TMEM117: variants seen among roughly 807,000 people sequenced by gnomAD.
TMEM117 encodes the protein transmembrane protein 117.
TMEM117 carries 27 observed loss-of-function variants against 52.4 expected under a neutral mutation model. The observed-to-expected ratio is 0.51, with a 90% CI of 0.38 to 0.71. The LOEUF (loss-of-function observed/expected upper bound fraction) is 0.71. TMEM117 is among the 30% of genes least tolerant of loss of function. TMEM117 has a pLI of 0.00. For synonymous variants in TMEM117, 215 were observed against 206.3 expected, an observed-to-expected ratio of 1.04 and a Z score of -0.36; for missense variants, 556 against 630.5, an observed-to-expected ratio of 0.88 and a Z score of 1.26.
At chr12:43,858,294 T>C (rs936028354) in intron 2 of TMEM117, among the ~76,000 whole-genome samples, 1 of 152,188 alleles carries the variant, frequency 6.6e-6, no homozygotes, top group African/African-American at 2.4e-5. Context: ...TTTTCAGGCA[T>C]CCCAGATGGC....
chr12:44,053,026 C>A (rs1281875869), intron 3 of TMEM117, among the ~76,000 whole-genome samples: 1 of 152,132 alleles, frequency 6.6e-6, no homozygotes, highest in Non-Finnish European at 1.5e-5. Context: ...TTCTTGATCA[C>A]CTCCTTTAAG....
At chr12:44,224,668 C>CT (rs1174077660) in intron 5 of TMEM117, among the ~76,000 whole-genome samples, 1 of 152,124 alleles carries the variant, frequency 6.6e-6, no homozygotes, top group Non-Finnish European at 1.5e-5. Context: ...CTCTGAAACT[C>CT]TATCGCCATG....
chr12:44,191,790 A>G (rs1336550517), intron 4 of TMEM117, among the ~76,000 whole-genome samples: 2 of 152,160 alleles, frequency 1.3e-5, no homozygotes, highest in African/African-American at 2.4e-5. Context: ...TTAATAATCC[A>G]TGAGTATTTA....
intron 5 of TMEM117, among the ~76,000 whole-genome samples, chr12:44,287,934 A>G (rs115486902): frequency 0.028 from 4,251 of 152,352 alleles, 97 homozygotes; most frequent in African/African-American, 0.055. Context: ...TAATTTGTAT[A>G]AAGACTTTAT....
intron 3 of TMEM117, among the ~76,000 whole-genome samples, chr12:44,143,273 G>A (rs1489048811): frequency 6.6e-6 from 1 of 152,188 alleles, no homozygotes; most frequent in African/African-American, 2.4e-5. Context: ...GCTGTCATTA[G>A]TCGTACAGCT....
At chr12:43,901,504 G>A (rs1309386254) in intron 2 of TMEM117, among the ~76,000 whole-genome samples, 1 of 152,052 alleles carries the variant, frequency 6.6e-6, no homozygotes, top group Non-Finnish European at 1.5e-5. Context: ...AAGAGACGGG[G>A]TTTCACTATG....
intron 3 of TMEM117, chr12:44,073,853 A>G (rs1354242494): frequency 1.3e-5 from 2 of 152,228 alleles, no homozygotes; most frequent in Non-Finnish European, 2.9e-5. Flanking sequence ...GAAAAAAAGG[A>G]CAGAAAATTA....
intron 2 of TMEM117, among the ~76,000 whole-genome samples, chr12:43,877,593 T>G (rs1296270955): frequency 6.7e-6 from 1 of 149,316 alleles, no homozygotes; most frequent in African/African-American, 2.5e-5. Context: ...AGAGATCGTG[T>G]CACTGCACTC....
At position 44,315,460 on chromosome 12, in the gene TMEM117, GT is replaced by G. The variant is rs1951042232; in HGVS notation, c.768+15724del. Among the ~76,000 whole-genome samples the G allele has an allele frequency of 2.0e-5, 3 of 152,070 alleles. No homozygotes were observed. The South Asian group carries it at 6.2e-4, about 32-fold the overall frequency. On this transcript the variant is annotated intron_variant, in intron 6 of 7. Coordinates refer to ENST00000266534, the MANE Select transcript of TMEM117 (RefSeq NM_032256.3). ...TTTTGCTATGTTGTGTTGACTGTTCGTTTCTTTCAAAGAATTTTTTACTTTC... is the reference window on the plus strand; with the variant it reads ...TTTTGCTATGTTGTGTTGACTGTTCGTTCTTTCAAAGAATTTTTTACTTTC...
chr12:43,848,752 G>C (rs183946867), intron 2 of TMEM117, among the ~76,000 whole-genome samples: 1 of 152,210 alleles, frequency 6.6e-6, no homozygotes, highest in Non-Finnish European at 1.5e-5. Context: ...GATTAAAGAC[G>C]GGCATAAGAA....
chr12:43,801,273 G>GA, the TMEM117 span, among the ~76,000 whole-genome samples: 1 of 150,558 alleles, frequency 6.6e-6, no homozygotes, highest in South Asian at 2.1e-4. Flanking sequence ...CACAAAGATG[G>GA]AAAAAAAAAT....
intron 5 of TMEM117, among the ~76,000 whole-genome samples, chr12:44,289,283 A>G (rs1950673634): frequency 6.7e-6 from 1 of 149,304 alleles, no homozygotes; most frequent in Non-Finnish European, 1.5e-5. Flanking sequence ...TTCTTTCTTC[A>G]TTCATCCATT....
At chr12:44,107,685 A>T (rs1947983164) in intron 3 of TMEM117, among the ~76,000 whole-genome samples, 1 of 152,154 alleles carries the variant, frequency 6.6e-6, no homozygotes, top group African/African-American at 2.4e-5. Flanking sequence ...TCAGCCTCCA[A>T]TTATGAATTT....
At chr12:44,295,084 T>G (rs1950750786) in intron 5 of TMEM117, among the ~76,000 whole-genome samples, 1 of 152,224 alleles carries the variant, frequency 6.6e-6, no homozygotes, top group Non-Finnish European at 1.5e-5. Flanking sequence ...TTTCAGACGT[T>G]ATTTCTTTAA....
At chr12:43,903,839 A>T (rs1944342562) in intron 2 of TMEM117, among the ~76,000 whole-genome samples, 1 of 151,978 alleles carries the variant, frequency 6.6e-6, no homozygotes, top group Non-Finnish European at 1.5e-5. Context: ...TCTCCTTTCT[A>T]ATTTTCCTAC....
At chr12:44,137,096 C>CAA (rs201028902) in intron 3 of TMEM117, among the ~76,000 whole-genome samples, 179 of 98,442 alleles carry the variant, frequency 1.8e-3, no homozygotes, top group Middle Eastern at 5.4e-3. Flanking sequence ...TTTCATTTGC[C>CAA]AAAAAAAAAA....
At chr12:44,145,030 G>A (rs547641915) in intron 4 of TMEM117, among the ~76,000 whole-genome samples, 20 of 152,210 alleles carry the variant, frequency 1.3e-4, no homozygotes, top group Non-Finnish European at 2.1e-4. Context: ...GGTGGCGGGC[G>A]CCTGTAGTCC....
chr12:44,370,502 A>ATTTTTTTT (rs1951848141), intron 6 of TMEM117, among the ~76,000 whole-genome samples: 3 of 140,832 alleles, frequency 2.1e-5, no homozygotes, highest in African/African-American at 8.2e-5. Flanking sequence ...AACCACAGAG[A>ATTTTTTTT]TTCTTTTTTT....
At chr12:44,128,996 A>C (rs1948371609) in intron 3 of TMEM117, among the ~76,000 whole-genome samples, 1 of 152,190 alleles carries the variant, frequency 6.6e-6, no homozygotes, top group African/African-American at 2.4e-5. Context: ...AATACCAGCT[A>C]TAGAAAAAGC....
Sources: allele counts gnomAD v4.1 joint callset (sites outside exome capture counted in the v4.1 genomes callset), GRCh38; gene constraint gnomAD v4.1.1; transcripts MANE v1.5; gene names NCBI Gene and HGNC (gene_info 2026-07-23, HGNC 2026-07-21).